The following THUMPD2 variants were observed in gnomAD, a reference collection of about 807,000 sequenced individuals.
The protein encoded by THUMPD2 is U6 snRNA (guanine-N(2))-methyltransferase THUMPD2.
In THUMPD2, 56 loss-of-function variants were observed where a neutral mutation model predicts 49.4. The ratio of observed to expected loss-of-function variants is 1.13; its 90% CI spans 0.91 to 1.41. The LOEUF (loss-of-function observed/expected upper bound fraction) is 1.41. THUMPD2 is among the 40% of genes most tolerant of loss of function. The pLI, the probability that THUMPD2 is intolerant of heterozygous loss-of-function variation, is 0.00. For synonymous variants in THUMPD2, 237 were observed against 205.2 expected, an observed-to-expected ratio of 1.15 and a Z score of -1.32; for missense variants, 709 against 594.5, an observed-to-expected ratio of 1.19 and a Z score of -2.00.
chr2:39,768,488 A>G lies in THUMPD2; in HGVS notation c.686T>C (p.Val229Ala). 1.9e-6 allele frequency: 3 copies of G among 1,612,226 alleles called. No homozygotes were observed. The highest frequency in any genetic ancestry group is 2.5e-6 in the Non-Finnish European group (3 of 1,179,314). The change falls in exon 4 of 10, where the codon GTA becomes GCA. Residue 229 changes from valine to alanine, a missense_variant. Val to Ala is a moderately conservative substitution (Grantham distance 64). Transcript: ENST00000505747. Reference protein sequence around the residue: ...KAFTAQEVGKVIGIAIMKHFG... With the variant: ...KAFTAQEVGKAIGIAIMKHFG... ...GTGTTTCATAATAGCAATTCCAATT[A>G]CTTTTCCTACCTCCTGGAAAAGTAC...
chr2:39,759,118 G>T (rs1363255039), intron 6 of THUMPD2, among the ~76,000 whole-genome samples: 2 of 152,034 alleles, frequency 1.3e-5, no homozygotes, highest in Non-Finnish European at 2.9e-5. Flanking sequence ...TAGGAGACTT[G>T]GAGGATAGAG....
chr2:39,742,033 T>C (rs190413339), intron 9 of THUMPD2, among the ~76,000 whole-genome samples: 1 of 152,200 alleles, frequency 6.6e-6, no homozygotes, highest in Non-Finnish European at 1.5e-5. Context: ...AACAATGCCA[T>C]TAAGTGGGTA....
At chr2:39,768,595 C>G (rs1206320879) in intron 3 of THUMPD2, 94 bp from the exon 4 acceptor site, 1 of 1,011,348 alleles carries the variant, frequency 9.9e-7, no homozygotes, top group Non-Finnish European at 1.5e-6. Flanking sequence ...ATAAGAAAAT[C>G]AAGTCAGGCT....
intron 5 of THUMPD2, among the ~76,000 whole-genome samples, chr2:39,765,826 T>A (rs764627483): frequency 2.0e-5 from 3 of 152,214 alleles, no homozygotes; most frequent in Non-Finnish European, 4.4e-5. Context: ...GTATTAATCA[T>A]GTAATCAGTA....
chr2:39,759,918 C>G (rs1382201023), intron 6 of THUMPD2, among the ~76,000 whole-genome samples: 4 of 152,108 alleles, frequency 2.6e-5, no homozygotes, highest in Non-Finnish European at 5.9e-5. Flanking sequence ...AGACTTTACC[C>G]AAGCAATAAG....
chr2:39,779,111 C>A lies in THUMPD2; in HGVS notation c.126+3G>T. Reference sequence around the variant, plus strand: ...CCCCAGGCGCGCAGCGAGGCCAACTCACCTGCGTGGCCGCCAGCCGCGCCC... The same window carrying A: ...CCCCAGGCGCGCAGCGAGGCCAACTAACCTGCGTGGCCGCCAGCCGCGCCC... On this transcript the variant is annotated splice_donor_region_variant and intron_variant, in intron 1 of 9. Transcript: ENST00000505747. The A allele has an allele frequency of 6.6e-7, 1 of 1,508,158 alleles. No homozygotes were observed. 93.4% of individuals were successfully genotyped at this position (1,508,158 alleles called of 1,614,324 possible). A position where few individuals can be genotyped will look rare whatever the true frequency, so the allele number is the denominator to read the frequency against.
chr2:39,752,411 G>C (rs573411551), intron 8 of THUMPD2, among the ~76,000 whole-genome samples: 2 of 152,228 alleles, frequency 1.3e-5, no homozygotes, highest in East Asian at 3.9e-4. Flanking sequence ...TAGTAAAAAG[G>C]CATGAGATCC....
In THUMPD2 at chr2:39,744,353, T is replaced by A. The variant is rs986014138; in HGVS notation, c.1187+17A>T. 6.7e-7 allele frequency: 1 copy of A among 1,485,742 alleles called. No individual in the cohort carries two copies. 92.0% of individuals were successfully genotyped at this position (1,485,742 alleles called of 1,614,324 possible). On this transcript the variant is annotated intron_variant, in intron 9 of 9. Transcript: ENST00000505747. ...CCAGTAGCTAAAAAAATTATGAAAA[T>A]AAATTCAACAACTTACCTTTCCATT...
intron 9 of THUMPD2, among the ~76,000 whole-genome samples, chr2:39,742,674 T>TA (rs2148179877): frequency 6.6e-6 from 1 of 152,312 alleles, no homozygotes; most frequent in Non-Finnish European, 1.5e-5. Context: ...GCAGATTATC[T>TA]AGTTAGGTTC....
chr2:39,755,318 T>C lies in THUMPD2; in HGVS notation c.1055A>G (p.Glu352Gly). 6.5e-7 allele frequency: 1 copy of C among 1,545,452 alleles called. No individual in the cohort carries two copies. The highest frequency in any genetic ancestry group is 1.2e-5 in the South Asian group (1 of 80,358). The change falls in exon 8 of 10, where the codon GAA becomes GGA. Residue 352 changes from glutamate (E) to glycine (G), a missense_variant. Glu to Gly is a moderately conservative substitution (Grantham distance 98). Coordinates refer to ENST00000505747, the MANE Select transcript of THUMPD2 (RefSeq NM_025264.5). ...LKAAGLEDKI[E>G]LLKISVIELP... Reference sequence around the variant, plus strand: ...ACCTATAACAGAGATTTTAAGTAATTCAATTTTATCCTCAAGGCCTGCAGC... The same window carrying C: ...ACCTATAACAGAGATTTTAAGTAATCCAATTTTATCCTCAAGGCCTGCAGC...
chr2:39,755,545 ATTC>A (rs1352112875), intron 7 of THUMPD2, 136 bp from the exon 8 acceptor site: 1 of 603,842 alleles, frequency 1.7e-6, no homozygotes, highest in Non-Finnish European at 2.8e-6. Context: ...CATTTAGGGT[ATTC>A]TTTTAAAATC....
intron 9 of THUMPD2, among the ~76,000 whole-genome samples, chr2:39,744,159 A>G (rs1171686635): frequency 6.6e-6 from 1 of 152,026 alleles, no homozygotes; most frequent in Non-Finnish European, 1.5e-5. Flanking sequence ...ATAGAAAATT[A>G]ATATTTTTCT....
At chr2:39,748,651 G>A (rs1674931649) in intron 8 of THUMPD2, among the ~76,000 whole-genome samples, 1 of 151,520 alleles carries the variant, frequency 6.6e-6, no homozygotes, top group Non-Finnish European at 1.5e-5. Flanking sequence ...TTGCGCCACT[G>A]CACTCCAGCC....
intron 3 of THUMPD2, 114 bp from the exon 4 acceptor site, chr2:39,768,615 T>C (rs1677870993): frequency 1.2e-6 from 1 of 856,648 alleles, no homozygotes; most frequent in African/African-American, 1.7e-5. Flanking sequence ...TATCTGATGG[T>C]AATTTAGAGT....
At position 39,755,897 on chromosome 2, in the gene THUMPD2, C is replaced by G. The variant is rs1189149176; in HGVS notation, c.955G>C (p.Glu319Gln). 2 of 1,613,668 alleles carry G rather than the reference C, an allele frequency of 1.2e-6. No individual in the cohort carries two copies. The highest frequency in any genetic ancestry group is 2.7e-5 in the African/African-American group (2 of 74,900). ...CAAACTTTAGAACTTACTGGCCATT[C>G]TTTAGCAGCTTCCAAAAGTATTGTT... is the stretch of plus-strand genomic sequence containing the variant. ...LGTILLEAAK[E>Q]WPDVYYVGAD... Residue 319 changes from glutamate to glutamine, a missense_variant, in exon 7 of 10, where the codon GAA becomes CAA. Coordinates refer to ENST00000505747, the MANE Select transcript of THUMPD2 (RefSeq NM_025264.5).
intron 6 of THUMPD2, among the ~76,000 whole-genome samples, chr2:39,758,807 G>A (rs562098205): frequency 6.6e-6 from 1 of 150,602 alleles, no homozygotes; most frequent in African/African-American, 2.4e-5. Context: ...AAAAGGAGGA[G>A]GTCCCTCAGT....
intron 9 of THUMPD2, among the ~76,000 whole-genome samples, chr2:39,742,173 T>C (rs1673980944): frequency 6.6e-6 from 1 of 152,188 alleles, no homozygotes; most frequent in East Asian, 1.9e-4. Flanking sequence ...CCACACTGCC[T>C]GTATAAAACT....
At position 39,748,848 on chromosome 2, in the gene THUMPD2, G is replaced by A. The variant is rs527885856; in HGVS notation, c.1079-4370C>T. ...AAGAAAATTAGCCAGGCATGGTGGT[G>A]AGTACCTCCTACAGTCCTAGCTACT... On this transcript the variant is annotated intron_variant, in intron 8 of 9. Transcript: ENST00000505747. Among the ~76,000 whole-genome samples, 9 of 152,150 alleles carry A rather than the reference G, an allele frequency of 5.9e-5. No individual in the cohort carries two copies. In the East Asian group the frequency reaches 1.7e-3, roughly 29 times the overall value.
At chr2:39,777,457 C>T (rs1233940169) in intron 1 of THUMPD2, among the ~76,000 whole-genome samples, 1 of 152,154 alleles carries the variant, frequency 6.6e-6, no homozygotes, top group African/African-American at 2.4e-5. Flanking sequence ...AGAGACAAGT[C>T]CCAATTTTCT....
Sources: gnomAD v4.1 joint callset for allele counts (sites outside exome capture counted in the v4.1 genomes callset) on GRCh38, gnomAD v4.1.1 for gene constraint, MANE v1.5 for transcripts, NCBI Gene and HGNC (gene_info 2026-07-23, HGNC 2026-07-21) for gene names.